BPTF: variants seen among roughly 807,000 people sequenced by gnomAD.
The protein encoded by BPTF is nucleosome-remodeling factor subunit BPTF.
BPTF carries 18 observed loss-of-function variants against 292.5 expected under a neutral mutation model. That is an observed-to-expected ratio of 0.06 (90% CI 0.04 to 0.09). BPTF has a LOEUF of 0.09. Ranked by LOEUF, BPTF falls within the 10% of genes least tolerant of loss-of-function variation. The pLI, the probability that BPTF is intolerant of heterozygous loss-of-function variation, is 1.00. For synonymous variants in BPTF, 1,225 were observed against 1,251.9 expected (o/e 0.98, Z 0.45); for missense variants, 2,726 against 3,498.7 (o/e 0.78, Z 5.57).
rs2058934730 is a variant in BPTF, at chr17:67,859,353, C to T, written c.1436+4591C>T. Among the ~76,000 whole-genome samples, 5 of 152,100 alleles carry T rather than the reference C, an allele frequency of 3.3e-5. No homozygotes were observed. In the South Asian group the frequency reaches 1.0e-3, roughly 32 times the overall value. ...TTTTGAAGAGGTCTCACTGTGTTGG[C>T]CAGGCTGGTCTCAAACTCCTGGGTT... On this transcript the variant is annotated intron_variant, in intron 2 of 27. Coordinates refer to ENST00000306378, the MANE Select transcript of BPTF (RefSeq NM_182641.4).
At chr17:67,976,015 A>C in intron 27 of BPTF, 57 bp downstream of exon 27, 2 of 1,367,256 alleles carry the variant, frequency 1.5e-6, no homozygotes, top group Non-Finnish European at 2.0e-6. Flanking sequence ...TCTTTATACT[A>C]TTCTGTCTAA....
intron 2 of BPTF, among the ~76,000 whole-genome samples, chr17:67,861,086 TC>T (rs1401515503): frequency 1.3e-5 from 2 of 152,090 alleles, no homozygotes; most frequent in Non-Finnish European, 2.9e-5. Context: ...ACTCATCGTT[TC>T]CCCCCATTAC....
chr17:67,933,839 A>G (rs533971011), intron 18 of BPTF, among the ~76,000 whole-genome samples: 2 of 152,216 alleles, frequency 1.3e-5, no homozygotes, highest in African/African-American at 4.8e-5. Flanking sequence ...TGGGCAGATC[A>G]CCTGAAGTCA....
At chr17:67,902,648 C>T (rs954318978) in intron 7 of BPTF, among the ~76,000 whole-genome samples, 25 of 152,078 alleles carry the variant, frequency 1.6e-4, no homozygotes, top group Admixed American at 5.9e-4. Flanking sequence ...AGACTGTATT[C>T]TGGGAACCTA....
intron 27 of BPTF, chr17:67,981,656 C>T (rs1442404701): frequency 2.0e-6 from 2 of 1,000,046 alleles, no homozygotes; most frequent in Non-Finnish European, 2.4e-6. Context: ...TCTTGGAATA[C>T]TGTATTTATC....
At chr17:67,958,262 G>A (rs2067138011) in intron 23 of BPTF, among the ~76,000 whole-genome samples, 2 of 152,042 alleles carry the variant, frequency 1.3e-5, no homozygotes, top group Admixed American at 6.6e-5. Flanking sequence ...AGCCTGGGAG[G>A]TGAAGGGTAC....
chr17:67,859,844 G>T (rs569913181), intron 2 of BPTF, among the ~76,000 whole-genome samples: 2 of 152,108 alleles, frequency 1.3e-5, no homozygotes, highest in African/African-American at 4.8e-5. Flanking sequence ...ATCAGTCTAC[G>T]AAACAGCATT....
intron 2 of BPTF, among the ~76,000 whole-genome samples, chr17:67,860,977 C>G (rs183998137): frequency 1.0e-3 from 159 of 152,318 alleles, no homozygotes; most frequent in African/African-American, 3.5e-3. Flanking sequence ...TTACTGACTT[C>G]CCGTGCCTGA....
In BPTF at chr17:67,946,199, G is replaced by A; in HGVS notation, c.7491G>A (p.Val2497=). ...QNVVTVQAAS[V]QEQLQRVQQL... is the part of the protein sequence containing the mutation. ...TGGTTACAGTGCAGGCAGCCAGTGTGCAAGAGCAGTTGCAAAGGGTTCAGC... is the reference window on the plus strand; with the variant it reads ...TGGTTACAGTGCAGGCAGCCAGTGTACAAGAGCAGTTGCAAAGGGTTCAGC... The change falls in exon 21 of 28, where the codon GTG becomes GTA. Residue 2497 remains valine, a synonymous_variant. Transcript: ENST00000306378. 6.2e-7 allele frequency: 1 copy of A among 1,614,214 alleles called. No homozygotes were observed. The highest frequency in any genetic ancestry group is 8.5e-7 in the Non-Finnish European group (1 of 1,180,036).
chr17:67,940,394 T>C, intron 18 of BPTF, 45 bp from the exon 19 acceptor site: 1 of 1,542,794 alleles, frequency 6.5e-7, no homozygotes, highest in East Asian at 2.3e-5. Flanking sequence ...TTCAAAATAA[T>C]GCCAAGGGTG....
intron 22 of BPTF, 56 bp downstream of exon 22, chr17:67,947,864 C>A: frequency 1.4e-6 from 2 of 1,474,394 alleles, no homozygotes; most frequent in Non-Finnish European, 9.2e-7. Flanking sequence ...ATCGTGCACA[C>A]GCACAGAGTT....
intron 14 of BPTF, 66 bp downstream of exon 14, chr17:67,923,056 C>CA: frequency 8.3e-7 from 1 of 1,208,212 alleles, no homozygotes; most frequent in Non-Finnish European, 1.1e-6. Flanking sequence ...CAATAAATTA[C>CA]TTTTTTTTTT....
At chr17:67,899,327 T>TA (rs1359248140) in intron 7 of BPTF, among the ~76,000 whole-genome samples, 1 of 152,160 alleles carries the variant, frequency 6.6e-6, no homozygotes, top group African/African-American at 2.4e-5. Flanking sequence ...TCACGCCAGA[T>TA]ACCTTGATTG....
intron 25 of BPTF, among the ~76,000 whole-genome samples, chr17:67,964,778 A>G (rs1555686065): frequency 1.3e-5 from 2 of 151,886 alleles, no homozygotes; most frequent in Admixed American, 1.3e-4. Context: ...AGGTGGGCGG[A>G]TCACAAGGTC....
At position 67,912,467 on chromosome 17, in the gene BPTF, T is replaced by C; in HGVS notation, c.4583T>C (p.Val1528Ala). 1 of 1,613,726 alleles carries C rather than the reference T, an allele frequency of 6.2e-7. No homozygotes were observed. Among genetic ancestry groups the C allele is most frequent in the Non-Finnish European group, 8.5e-7 (1 of 1,179,924 alleles). The change falls in exon 11 of 28, where the codon GTT becomes GCT. Residue 1528 changes from valine (V) to alanine (A), a missense_variant. Val to Ala is a moderately conservative substitution (Grantham distance 64). Around this residue, in one of 22 missense-constraint regions of BPTF, gnomAD observed 713 missense variants for 714.9 expected, o/e 1.00. Transcript: ENST00000306378. ...GCATCTTGTCCAGAAAGCAATTCAGTTAATCAGGTAGAAGATATGGAAATA... is the reference window on the plus strand; with the variant it reads ...GCATCTTGTCCAGAAAGCAATTCAGCTAATCAGGTAGAAGATATGGAAATA... ...PSASCPESNS[V>A]NQVEDMEIET...
In BPTF at chr17:67,920,084, G is replaced by A. The variant is rs556375365; in HGVS notation, c.5498G>A (p.Arg1833Gln). 1.9e-6 allele frequency: 3 copies of A among 1,611,778 alleles called. No homozygotes were observed. Among genetic ancestry groups the A allele is most frequent in the East Asian group, 2.2e-5 (1 of 44,832 alleles). The stretch of plus-strand genomic sequence containing the variant: ...AGAGATGTTGGTCCTTATGGCATTC[G>A]ATCTGAATATTGTATCAGGAAAATC... ...KRRDVGPYGI[R>Q]SEYCIRKIIC... The change falls in exon 13 of 28, where the codon CGA (arginine) becomes CAA (glutamine). Residue 1833 changes from arginine (R) to glutamine (Q), a missense_variant. Arg to Gln is a conservative substitution (Grantham distance 43, BLOSUM62 1). Transcript: ENST00000306378.
At chr17:67,842,817 C>CAAAAA (rs60085248) in intron 1 of BPTF, among the ~76,000 whole-genome samples, 6 of 47,804 alleles carry the variant, frequency 1.3e-4, no homozygotes, top group South Asian at 9.1e-4. Context: ...CAATTAAGGC[C>CAAAAA]AAAAAAAAAA....
chr17:67,849,976 T>TAG (rs2058290529), intron 1 of BPTF, among the ~76,000 whole-genome samples: 1 of 152,122 alleles, frequency 6.6e-6, no homozygotes, highest in Admixed American at 6.5e-5. Context: ...GACTCTATTC[T>TAG]AGGCCTATTG....
intron 9 of BPTF, among the ~76,000 whole-genome samples, chr17:67,907,425 A>T (rs576221707): frequency 6.7e-6 from 1 of 149,842 alleles, no homozygotes; most frequent in South Asian, 2.1e-4. Context: ...GCATGGTCTC[A>T]GCTCACTGCA....
Sources: gnomAD v4.1 joint callset for allele counts (sites outside exome capture counted in the v4.1 genomes callset) on GRCh38, gnomAD v4.1.1 for gene constraint, gnomAD v4.1.1 regional missense constraint, MANE v1.5 for transcripts, NCBI Gene and HGNC (gene_info 2026-07-23, HGNC 2026-07-21) for gene names.